The following HDAC1 variants were observed in gnomAD, a reference collection of about 807,000 sequenced individuals.
HDAC1 encodes the protein protein deacetylase HDAC1.
Under a neutral mutation model 65.5 loss-of-function variants are expected in HDAC1, and 18 were observed. The ratio of observed to expected loss-of-function variants is 0.27; its 90% CI spans 0.19 to 0.41. The LOEUF (loss-of-function observed/expected upper bound fraction) is 0.41, where lower values mean the gene tolerates loss of function less well. Ranked by LOEUF, HDAC1 falls within the 10% of genes least tolerant of loss-of-function variation. The pLI, the probability that HDAC1 is intolerant of heterozygous loss-of-function variation, is 1.00. For synonymous variants in HDAC1, 211 were observed against 227.9 expected, an observed-to-expected ratio of 0.93 and a Z score of 0.67; for missense variants, 373 against 625.2, an observed-to-expected ratio of 0.60 and a Z score of 4.30.
chr1:32,319,100 C>T (rs1006609778), intron 3 of HDAC1, among the ~76,000 whole-genome samples: 1 of 151,866 alleles, frequency 6.6e-6, no homozygotes, highest in Non-Finnish European at 1.5e-5. Flanking sequence ...GCCTGGGCGA[C>T]AGAGCGAGAC....
intron 1 of HDAC1, among the ~76,000 whole-genome samples, chr1:32,296,517 CT>C (rs1173357668): frequency 1.3e-5 from 2 of 152,070 alleles, no homozygotes; most frequent in Admixed American, 6.6e-5. Flanking sequence ...GGTGTGCACC[CT>C]TTTTGTATTT....
chr1:32,314,155 G>A (rs974020282), intron 2 of HDAC1, among the ~76,000 whole-genome samples: 3 of 152,036 alleles, frequency 2.0e-5, no homozygotes, highest in Admixed American at 6.6e-5. Context: ...CACAACAACC[G>A]CCATCACTCA....
intron 3 of HDAC1, among the ~76,000 whole-genome samples, chr1:32,323,776 G>A (rs1641180243): frequency 6.6e-6 from 1 of 152,104 alleles, no homozygotes; most frequent in Admixed American, 6.6e-5. Context: ...GGTATTTAAC[G>A]CATGTAGCGC....
chr1:32,306,177 T>C (rs898557998), intron 2 of HDAC1, among the ~76,000 whole-genome samples: 1 of 151,204 alleles, frequency 6.6e-6, no homozygotes, highest in Non-Finnish European at 1.5e-5. Flanking sequence ...TTCACTTTTT[T>C]TTCTTTTTCT....
intron 2 of HDAC1, among the ~76,000 whole-genome samples, chr1:32,306,829 T>C (rs1323474296): frequency 1.3e-5 from 2 of 152,204 alleles, no homozygotes; most frequent in Non-Finnish European, 1.5e-5. Context: ...ATATATGTTA[T>C]ATTTTTTCTA....
intron 2 of HDAC1, among the ~76,000 whole-genome samples, chr1:32,305,027 A>G (rs764082095): frequency 1.5e-4 from 23 of 152,210 alleles, no homozygotes; most frequent in Non-Finnish European, 2.4e-4. Flanking sequence ...TTTAAAAATT[A>G]TAAAAATGAT....
chr1:32,327,896 C>G lies in HDAC1; in HGVS notation c.636+219C>G. 1.7e-6 allele frequency: 1 copy of G among 595,792 alleles called. No individual in the cohort carries two copies. Among genetic ancestry groups the G allele is most frequent in the South Asian group, 1.9e-5 (1 of 52,244 alleles). The allele number at this position is 595,792 out of a possible 1,614,324, so 36.9% of individuals were successfully genotyped here. On this transcript the variant is annotated intron_variant, in intron 6 of 13. Coordinates refer to ENST00000373548, the MANE Select transcript of HDAC1 (RefSeq NM_004964.3). This position sits in a 1 kb window ranked among gnomAD's most constrained non-coding sequence, Gnocchi z 6.0. ...CAGAGAAAGAAGAGGGGTCTCCTGA[C>G]TCACTGTACTTTCCTCCTGGCCACA...
chr1:32,332,896 G>C, intron 13 of HDAC1, 121 bp from the exon 14 acceptor site: 2 of 1,187,996 alleles, frequency 1.7e-6, no homozygotes, highest in Non-Finnish European at 1.2e-6. Flanking sequence ...TGCAGTTCTA[G>C]GCAGAGCTAG....
chr1:32,308,102 C>A (rs960251352), intron 2 of HDAC1, among the ~76,000 whole-genome samples: 1 of 152,142 alleles, frequency 6.6e-6, no homozygotes, highest in Non-Finnish European at 1.5e-5. Context: ...GGCGGATCAC[C>A]TGAGGTCGGG....
intron 4 of HDAC1, 128 bp from the exon 5 acceptor site, chr1:32,326,811 G>C: frequency 2.2e-6 from 2 of 897,008 alleles, no homozygotes; most frequent in Non-Finnish European, 3.4e-6. Context: ...GGAGGGGACT[G>C]GTCTATGAAT....
At chr1:32,332,823 A>G in intron 13 of HDAC1, 74 bp downstream of exon 13, 4 of 1,359,612 alleles carry the variant, frequency 2.9e-6, no homozygotes, top group Non-Finnish European at 4.1e-6. Flanking sequence ...ACTCTGAGGA[A>G]AGGCACAGGG....
chr1:32,330,615 C>CGGT lies in HDAC1; in HGVS notation c.771_773dup (p.Val258dup). On this transcript the variant is annotated inframe_insertion, in exon 8 of 14. Coordinates refer to ENST00000373548, the MANE Select transcript of HDAC1 (RefSeq NM_004964.3). The surrounding 1 kb of genome is among the most constrained non-coding windows in gnomAD (Gnocchi z 4.2). ...GTAATGGAGATGTTCCAGCCTAGTG[C>CGGT]GGTGGTCTTACAGTGTGGCTCAGAC... 1 of 1,613,586 alleles carries CGGT rather than the reference C, an allele frequency of 6.2e-7. No individual in the cohort carries two copies. Among genetic ancestry groups the CGGT allele is most frequent in the African/African-American group, 1.3e-5 (1 of 74,988 alleles).
At chr1:32,312,609 G>A (rs1010875087) in intron 2 of HDAC1, among the ~76,000 whole-genome samples, 7 of 152,064 alleles carry the variant, frequency 4.6e-5, no homozygotes, top group Admixed American at 2.6e-4. Context: ...GATCTGCCCC[G>A]CTCAGCCTCT....
At chr1:32,324,626 C>A in intron 4 of HDAC1, 73 bp downstream of exon 4, 1 of 981,444 alleles carries the variant, frequency 1.0e-6, no homozygotes, top group Non-Finnish European at 1.7e-6. Flanking sequence ...AGGCTGCTAT[C>A]CTAGTTGGCT....
At chr1:32,318,413 A>T (rs1387418914) in intron 3 of HDAC1, among the ~76,000 whole-genome samples, 1 of 152,062 alleles carries the variant, frequency 6.6e-6, no homozygotes, top group East Asian at 1.9e-4. Context: ...AAATAAAAAA[A>T]TTAGCTGGGC....
At chr1:32,332,662 G>A in intron 12 of HDAC1, 39 bp from the exon 13 acceptor site, 1 of 1,505,450 alleles carries the variant, frequency 6.6e-7, no homozygotes, top group Non-Finnish European at 9.1e-7. Flanking sequence ...TCTTCCCAGA[G>A]GTGCTGCCCT....
intron 6 of HDAC1, among the ~76,000 whole-genome samples, chr1:32,328,467 C>T (rs1476579863): frequency 3.3e-5 from 5 of 152,090 alleles, no homozygotes; most frequent in African/African-American, 7.2e-5. Flanking sequence ...ATTATAAGTG[C>T]GTGCAACTAT....
At chr1:32,298,180 C>T (rs1640795775) in intron 1 of HDAC1, among the ~76,000 whole-genome samples, 1 of 151,468 alleles carries the variant, frequency 6.6e-6, no homozygotes, top group Admixed American at 6.6e-5. Context: ...CTCCGCCTCC[C>T]AGGTTTAAGC....
At chr1:32,299,662 G>A (rs958641996) in intron 1 of HDAC1, among the ~76,000 whole-genome samples, 3 of 152,164 alleles carry the variant, frequency 2.0e-5, no homozygotes, top group Non-Finnish European at 2.9e-5. Flanking sequence ...ATCTTTGGGT[G>A]TGTAGTTCAC....
Sources: allele counts gnomAD v4.1 joint callset (sites outside exome capture counted in the v4.1 genomes callset), GRCh38; gene constraint gnomAD v4.1.1; non-coding constraint Gnocchi (gnomAD v3.1); transcripts MANE v1.5; gene names NCBI Gene and HGNC (gene_info 2026-07-23, HGNC 2026-07-21).